Variants in GTF2F2 observed in about 807,000 individuals in gnomAD.
GTF2F2 encodes the protein general transcription factor IIF subunit 2.
A neutral mutation model predicts 42.2 loss-of-function variants in GTF2F2; 23 were observed. The ratio of observed to expected loss-of-function variants is 0.55; its 90% CI spans 0.39 to 0.77. GTF2F2 has a LOEUF of 0.77. Among genes scored for constraint, GTF2F2 ranks in the 30% least tolerant of loss-of-function variants. The pLI is 0.00. For synonymous variants in GTF2F2, 105 were observed against 100.8 expected (o/e 1.04, Z -0.25); for missense variants, 261 against 287.2 (o/e 0.91, Z 0.66).
At chr13:45,143,255 G>T (rs1870022030) in intron 2 of GTF2F2, among the ~76,000 whole-genome samples, 1 of 152,154 alleles carries the variant, frequency 6.6e-6, no homozygotes, top group South Asian at 2.1e-4. Flanking sequence ...ATAGGTTATA[G>T]GTTATAGGTT....
rs1448282544 is a variant in GTF2F2, at chr13:45,131,907, A to AG, written c.67-4826_67-4825insG. ...AATGAGACCCTGTCTCAAAAAAAAA[A>AG]AAAAAAAAAAAAAAGAGAGAGAGAG... On this transcript the variant is annotated intron_variant, in intron 1 of 7. Transcript: ENST00000340473. Among the ~76,000 whole-genome samples the AG allele has an allele frequency of 2.0e-5, 3 of 150,618 alleles. No homozygotes were observed. In the East Asian group the frequency reaches 5.8e-4, roughly 29 times the overall value.
chr13:45,263,297 G>C (rs1876421590), intron 6 of GTF2F2, among the ~76,000 whole-genome samples: 1 of 151,074 alleles, frequency 6.6e-6, no homozygotes, highest in Non-Finnish European at 1.5e-5. Flanking sequence ...GCGCGATCTC[G>C]GCTCACTGCA....
At chr13:45,148,370 C>T (rs61947852) in intron 2 of GTF2F2, among the ~76,000 whole-genome samples, 24,934 of 151,972 alleles carry the variant, frequency 0.16, 2,394 homozygotes, top group Non-Finnish European at 0.22. Flanking sequence ...TATGGTTGAG[C>T]CCCTTTAGAG....
At chr13:45,236,487 A>G (rs967478909) in intron 5 of GTF2F2, among the ~76,000 whole-genome samples, 9 of 121,400 alleles carry the variant, frequency 7.4e-5, no homozygotes, top group Non-Finnish European at 1.3e-4. Context: ...CCCCCGCCAC[A>G]CATACACACA....
At chr13:45,189,127 C>G (rs189119799) in intron 4 of GTF2F2, among the ~76,000 whole-genome samples, 3 of 152,208 alleles carry the variant, frequency 2.0e-5, no homozygotes, top group Admixed American at 2.0e-4. Flanking sequence ...TGTTCAACTC[C>G]CACTTACGAG....
intron 2 of GTF2F2, among the ~76,000 whole-genome samples, chr13:45,141,549 AG>A (rs1869927569): frequency 6.6e-6 from 1 of 152,074 alleles, no homozygotes; most frequent in African/African-American, 2.4e-5. Context: ...GTGTAGGGGT[AG>A]GGGTGAAGAC....
intron 2 of GTF2F2, among the ~76,000 whole-genome samples, chr13:45,137,426 A>G (rs1438662769): frequency 2.6e-5 from 4 of 152,222 alleles, no homozygotes; most frequent in Admixed American, 1.3e-4. Flanking sequence ...TGTTACTGGT[A>G]TCTTCCTCTT....
chr13:45,192,485 C>T (rs758143739), intron 4 of GTF2F2, among the ~76,000 whole-genome samples: 7 of 152,064 alleles, frequency 4.6e-5, no homozygotes, highest in Non-Finnish European at 1.0e-4. Context: ...TTTCAGACAT[C>T]TTCTTGAGAT....
At chr13:45,143,879 T>C (rs1030604619) in intron 2 of GTF2F2, among the ~76,000 whole-genome samples, 4 of 152,236 alleles carry the variant, frequency 2.6e-5, no homozygotes, top group South Asian at 2.1e-4. Flanking sequence ...AAGCAATTTA[T>C]ATGATATTTC....
chr13:45,261,088 T>A (rs1876321164), intron 6 of GTF2F2, among the ~76,000 whole-genome samples: 1 of 151,856 alleles, frequency 6.6e-6, no homozygotes, highest in Admixed American at 6.6e-5. Flanking sequence ...ATTGCGCCAC[T>A]GCACTCCAGC....
chr13:45,221,705 AG>A (rs948652645), intron 5 of GTF2F2, among the ~76,000 whole-genome samples: 2 of 90,450 alleles, frequency 2.2e-5, no homozygotes, highest in African/African-American at 8.5e-5. Flanking sequence ...GTGTAGATCT[AG>A]TCATACCACT....
intron 2 of GTF2F2, among the ~76,000 whole-genome samples, chr13:45,142,660 A>T (rs1660966988): frequency 6.6e-6 from 1 of 152,192 alleles, no homozygotes; most frequent in South Asian, 2.1e-4. Context: ...GACTTATAGT[A>T]ATTAGTACCC....
At chr13:45,144,823 TTGAC>T (rs1420104953) in intron 2 of GTF2F2, among the ~76,000 whole-genome samples, 1 of 152,212 alleles carries the variant, frequency 6.6e-6, no homozygotes, top group African/African-American at 2.4e-5. Context: ...TGTTATAAAA[TTGAC>T]TGAGTTTAGA....
At chr13:45,236,176 G>C (rs1476426679) in intron 5 of GTF2F2, among the ~76,000 whole-genome samples, 1 of 152,130 alleles carries the variant, frequency 6.6e-6, no homozygotes. Flanking sequence ...CTGGCCCACT[G>C]TCTATGGCCT....
intron 1 of GTF2F2, among the ~76,000 whole-genome samples, chr13:45,127,953 T>C (rs1283418846): frequency 1.5e-5 from 2 of 134,552 alleles, no homozygotes; most frequent in African/African-American, 5.6e-5. Context: ...TTTTTTTTTT[T>C]TTTTTTTTTT....
At chr13:45,145,957 A>G (rs532865167) in intron 2 of GTF2F2, among the ~76,000 whole-genome samples, 63 of 152,106 alleles carry the variant, frequency 4.1e-4, no homozygotes, top group Middle Eastern at 3.4e-3. Context: ...CTATATGTGG[A>G]TGCTCTCACC....
intron 5 of GTF2F2, among the ~76,000 whole-genome samples, chr13:45,226,411 G>T (rs1440118080): frequency 5.3e-5 from 8 of 152,060 alleles, no homozygotes; most frequent in Non-Finnish European, 1.2e-4. Flanking sequence ...TCCTTCAGAG[G>T]TTTGAGATGG....
At chr13:45,272,050 A>T (rs1453432087) in intron 7 of GTF2F2, among the ~76,000 whole-genome samples, 2 of 150,794 alleles carry the variant, frequency 1.3e-5, no homozygotes, top group African/African-American at 4.8e-5. Flanking sequence ...TTTTTCCTAT[A>T]ACTGGAAATT....
chr13:45,274,387 C>T (rs990384389), intron 7 of GTF2F2, among the ~76,000 whole-genome samples: 5 of 132,230 alleles, frequency 3.8e-5, no homozygotes, highest in Admixed American at 8.4e-5. Flanking sequence ...AGTGCAGTGA[C>T]GCAGTCTTGG....
Sources: allele counts gnomAD v4.1 joint callset (sites outside exome capture counted in the v4.1 genomes callset), GRCh38; gene constraint gnomAD v4.1.1; transcripts MANE v1.5; gene names NCBI Gene and HGNC (gene_info 2026-07-23, HGNC 2026-07-21).